Variants in TACR3 observed in about 807,000 individuals in gnomAD.
TACR3 encodes tachykinin receptor 3.
In TACR3, 34 loss-of-function variants were observed where a neutral mutation model predicts 35.0. That is an observed-to-expected ratio of 0.97 (90% CI 0.74 to 1.30). The LOEUF (loss-of-function observed/expected upper bound fraction) is 1.30, where lower values mean the gene tolerates loss of function less well. TACR3 is among the 50% of genes most tolerant of loss of function. TACR3 has a pLI of 0.00. For missense variants in TACR3, 558 were observed against 591.7 expected (o/e 0.94, Z 0.59); for synonymous variants, 233 against 221.1 (o/e 1.05, Z -0.48).
chr4:103,637,448 A>G (rs540279198), intron 3 of TACR3, among the ~76,000 whole-genome samples: 2 of 152,272 alleles, frequency 1.3e-5, no homozygotes, highest in South Asian at 4.1e-4. Context: ...TCAAAATAAT[A>G]AGAGCTATCT....
chr4:103,687,170 GAA>G (rs1160940428), intron 1 of TACR3, among the ~76,000 whole-genome samples: 2 of 152,074 alleles, frequency 1.3e-5, no homozygotes, highest in Non-Finnish European at 2.9e-5. Context: ...AATAGATGCA[GAA>G]AAGGCCTTTG....
At chr4:103,716,179 G>A (rs1723086181) in intron 1 of TACR3, among the ~76,000 whole-genome samples, 1 of 151,852 alleles carries the variant, frequency 6.6e-6, no homozygotes. Context: ...GGATGGTGGA[G>A]AGAAAAGCAA....
At chr4:103,635,664 T>G (rs773308896) in intron 3 of TACR3, among the ~76,000 whole-genome samples, 1 of 152,032 alleles carries the variant, frequency 6.6e-6, no homozygotes, top group Non-Finnish European at 1.5e-5. Flanking sequence ...TAAACCCTTT[T>G]GTAAGATTTA....
intron 1 of TACR3, among the ~76,000 whole-genome samples, chr4:103,704,674 C>A (rs1722746432): frequency 1.3e-5 from 2 of 152,082 alleles, no homozygotes; most frequent in South Asian, 4.1e-4. Context: ...CTGGTTCCTC[C>A]CTTGACACAT....
chr4:103,638,569 C>T (rs957412942), intron 3 of TACR3, among the ~76,000 whole-genome samples: 2 of 152,074 alleles, frequency 1.3e-5, no homozygotes, highest in Non-Finnish European at 2.9e-5. Context: ...GCAATGGCAA[C>T]AAAACCCAAA....
At chr4:103,613,202 G>T (rs1008478264) in intron 3 of TACR3, among the ~76,000 whole-genome samples, 1 of 152,090 alleles carries the variant, frequency 6.6e-6, no homozygotes, top group Non-Finnish European at 1.5e-5. Flanking sequence ...TAACATAGGC[G>T]TTGTGATTAA....
At chr4:103,653,249 G>A (rs564603957) in intron 3 of TACR3, among the ~76,000 whole-genome samples, 1 of 152,030 alleles carries the variant, frequency 6.6e-6, no homozygotes, top group South Asian at 2.1e-4. Context: ...TTTTGAAACT[G>A]TGGAGTAATG....
At chr4:103,691,031 T>A (rs1722391299) in intron 1 of TACR3, among the ~76,000 whole-genome samples, 1 of 152,188 alleles carries the variant, frequency 6.6e-6, no homozygotes, top group Admixed American at 6.6e-5. Flanking sequence ...ACATTGCTGT[T>A]ATGAATACAA....
intron 3 of TACR3, among the ~76,000 whole-genome samples, chr4:103,616,366 G>C (rs1724661504): frequency 6.6e-6 from 1 of 151,950 alleles, no homozygotes; most frequent in African/African-American, 2.4e-5. Flanking sequence ...AACATATGGA[G>C]TATATAGTAT....
intron 3 of TACR3, among the ~76,000 whole-genome samples, chr4:103,613,609 G>A (rs958848896): frequency 6.6e-5 from 10 of 152,054 alleles, no homozygotes; most frequent in East Asian, 1.9e-4. Context: ...TTATAGGCAT[G>A]AGCCACCGTG....
chr4:103,643,431 G>A (rs1157196436), intron 3 of TACR3, among the ~76,000 whole-genome samples: 1 of 53,954 alleles, frequency 1.9e-5, no homozygotes, highest in Non-Finnish European at 3.4e-5. Context: ...CTAAAAAAAA[G>A]AGAGAGAGAG....
intron 1 of TACR3, among the ~76,000 whole-genome samples, chr4:103,701,808 C>G (rs1430147457): frequency 6.6e-6 from 1 of 152,104 alleles, no homozygotes; most frequent in East Asian, 1.9e-4. Context: ...GAAAGGATTC[C>G]CTATTTAATC....
At chr4:103,707,884 C>A (rs1722832734) in intron 1 of TACR3, among the ~76,000 whole-genome samples, 1 of 152,270 alleles carries the variant, frequency 6.6e-6, no homozygotes, top group South Asian at 2.1e-4. Context: ...GGTCCCACAC[C>A]CAAGGAGCCT....
intron 3 of TACR3, among the ~76,000 whole-genome samples, chr4:103,637,596 A>G (rs1725222998): frequency 6.6e-6 from 1 of 152,172 alleles, no homozygotes; most frequent in Non-Finnish European, 1.5e-5. Flanking sequence ...CAGGGCAATC[A>G]GGCAGGAGAA....
intron 1 of TACR3, among the ~76,000 whole-genome samples, chr4:103,689,916 A>C (rs1722361561): frequency 6.6e-6 from 1 of 152,194 alleles, no homozygotes; most frequent in African/African-American, 2.4e-5. Flanking sequence ...TGAAAGTGAA[A>C]GAAAAAGTAA....
chr4:103,700,464 A>G (rs756736288), intron 1 of TACR3, among the ~76,000 whole-genome samples: 2 of 152,202 alleles, frequency 1.3e-5, no homozygotes, highest in Non-Finnish European at 2.9e-5. Flanking sequence ...GAACTTAAGC[A>G]AATATTAAAA....
intron 3 of TACR3, among the ~76,000 whole-genome samples, chr4:103,610,891 C>A (rs1189009296): frequency 6.6e-6 from 1 of 152,114 alleles, no homozygotes; most frequent in Non-Finnish European, 1.5e-5. Context: ...GTCCTTTCCC[C>A]AATGTGTGTT....
At chr4:103,612,393 AATT>A (rs1235970927) in intron 3 of TACR3, among the ~76,000 whole-genome samples, 10 of 152,262 alleles carry the variant, frequency 6.6e-5, no homozygotes, top group African/African-American at 1.9e-4. Flanking sequence ...CTCCGATTGC[AATT>A]ATTCTCTTTC....
At chr4:103,596,762 C>T (rs1578218002) in intron 3 of TACR3, among the ~76,000 whole-genome samples, 1 of 151,626 alleles carries the variant, frequency 6.6e-6, no homozygotes, top group Admixed American at 6.6e-5. Flanking sequence ...CGTCCCCCTA[C>T]CCCACAAGAG....
Sources: allele counts gnomAD v4.1 joint callset (sites outside exome capture counted in the v4.1 genomes callset), GRCh38; gene constraint gnomAD v4.1.1; transcripts MANE v1.5; gene names NCBI Gene and HGNC (gene_info 2026-07-23, HGNC 2026-07-21).